GRM8: variants seen among roughly 807,000 people sequenced by gnomAD.
GRM8 encodes the protein metabotropic glutamate receptor 8.
A neutral mutation model predicts 87.2 loss-of-function variants in GRM8; 47 were observed. The ratio of observed to expected loss-of-function variants is 0.54; its 90% CI spans 0.43 to 0.69. The LOEUF is 0.69. GRM8 is among the 30% of genes least tolerant of loss of function. The pLI is 0.00. For missense variants in GRM8, 1,019 were observed against 1,139.2 expected (o/e 0.89, Z 1.52); for synonymous variants, 396 against 404.5 (o/e 0.98, Z 0.25).
chr7:126,501,205 A>C (rs1307034018), intron 9 of GRM8, among the ~76,000 whole-genome samples: 1 of 152,072 alleles, frequency 6.6e-6, no homozygotes, highest in African/African-American at 2.4e-5. Flanking sequence ...ATTTTTAAAA[A>C]TTAAGTACAG....
At chr7:126,921,418 A>G (rs554209511) in intron 3 of GRM8, among the ~76,000 whole-genome samples, 2 of 152,298 alleles carry the variant, frequency 1.3e-5, no homozygotes, top group South Asian at 2.1e-4. Flanking sequence ...AGAGGCCATT[A>G]CCAAAGAAAA....
intron 3 of GRM8, among the ~76,000 whole-genome samples, chr7:127,052,847 T>G (rs534068833): frequency 6.6e-6 from 1 of 152,184 alleles, no homozygotes; most frequent in Non-Finnish European, 1.5e-5. Flanking sequence ...CCTTTCCAAA[T>G]AGGCTAGTTT....
intron 6 of GRM8, among the ~76,000 whole-genome samples, chr7:126,901,118 C>G (rs1488149080): frequency 1.3e-5 from 2 of 152,186 alleles, no homozygotes; most frequent in Non-Finnish European, 2.9e-5. Context: ...GCGATATTCA[C>G]TCTTGCTCCA....
rs1818527515 is a variant in GRM8, at chr7:127,042,585, T to C, written c.727+63911A>G. 2.6e-5 allele frequency among the ~76,000 whole-genome samples: 4 copies of C among 152,368 alleles called. No homozygotes were observed. In the South Asian group the frequency reaches 8.3e-4, roughly 32 times the overall value. ...ATGTAGAAAGCTGAAACTGGATCCC[T>C]TCCTTACACCTTATACAAAAATTAA... On this transcript the variant is annotated intron_variant, in intron 3 of 10. Coordinates refer to ENST00000339582, the MANE Select transcript of GRM8 (RefSeq NM_000845.3).
rs1017014492 is a variant in GRM8 at position 126,502,246 on chromosome 7, T to A, written c.2430+30706A>T. Among the ~76,000 whole-genome samples the A allele has an allele frequency of 5.3e-5, 8 of 152,048 alleles. 1 individual carries two copies. The highest frequency in any genetic ancestry group is 1.9e-4 in the African/African-American group (8 of 41,430). ...ACAAACAGCTACCTGTCCTTTAATG[T>A]TACACCATCTCTACAGTGACAAGCT... On this transcript the variant is annotated intron_variant, in intron 9 of 10. Coordinates refer to ENST00000339582, the MANE Select transcript of GRM8 (RefSeq NM_000845.3).
intron 2 of GRM8, among the ~76,000 whole-genome samples, chr7:127,113,303 A>G (rs1433939087): frequency 1.3e-5 from 2 of 152,184 alleles, no homozygotes; most frequent in Non-Finnish European, 2.9e-5. Context: ...ACCCCTGACA[A>G]GGCTAGCAAA....
chr7:126,554,490 A>G (rs1334611441), intron 8 of GRM8, among the ~76,000 whole-genome samples: 1 of 151,978 alleles, frequency 6.6e-6, no homozygotes, highest in African/African-American at 2.4e-5. Context: ...CTACTCAGGA[A>G]GCTGAGGTGG....
At chr7:126,447,934 C>T (rs2150472229) in intron 9 of GRM8, among the ~76,000 whole-genome samples, 1 of 152,064 alleles carries the variant, frequency 6.6e-6, no homozygotes, top group Non-Finnish European at 1.5e-5. Flanking sequence ...AGATTTACTA[C>T]AATTAAGACC....
At chr7:127,184,005 T>C (rs1233890745) in intron 2 of GRM8, among the ~76,000 whole-genome samples, 1 of 151,890 alleles carries the variant, frequency 6.6e-6, no homozygotes, top group Non-Finnish European at 1.5e-5. Flanking sequence ...TATCTACCAA[T>C]GAAATTGAAT....
chr7:127,049,013 T>C (rs1312295780), intron 3 of GRM8, among the ~76,000 whole-genome samples: 2 of 152,312 alleles, frequency 1.3e-5, no homozygotes, highest in Admixed American at 6.5e-5. Flanking sequence ...CCCTAGGAAC[T>C]AGAGGCTCGC....
At chr7:126,966,472 A>G (rs1217702490) in intron 3 of GRM8, among the ~76,000 whole-genome samples, 5 of 152,134 alleles carry the variant, frequency 3.3e-5, no homozygotes, top group Non-Finnish European at 5.9e-5. Flanking sequence ...ATTTCACCTT[A>G]AAAGGAAAGG....
rs200316535 is a variant in GRM8, at chr7:126,760,615, A to T, written c.1357+9250T>A. On this transcript the variant is annotated intron_variant, in intron 7 of 10. Transcript: ENST00000339582. ...TATTCATTTCTAAAAATATTTATAA[A>T]TTTTTAAAAAGTGAATGTATATACA... Among the ~76,000 whole-genome samples, 11 of 152,270 alleles carry T rather than the reference A, an allele frequency of 7.2e-5. No homozygotes were observed. In the East Asian group the frequency reaches 1.9e-3, roughly 27 times the overall value.
chr7:126,476,900 T>C (rs1434758994), intron 9 of GRM8, among the ~76,000 whole-genome samples: 1 of 152,002 alleles, frequency 6.6e-6, no homozygotes, highest in Non-Finnish European at 1.5e-5. Context: ...ATATCTAAAA[T>C]GAATGAAATC....
At chr7:127,179,781 T>TA (rs1464820292) in intron 2 of GRM8, among the ~76,000 whole-genome samples, 3 of 151,988 alleles carry the variant, frequency 2.0e-5, no homozygotes, top group African/African-American at 7.2e-5. Context: ...AGATGGAAAT[T>TA]AAAAAATTAT....
chr7:127,245,833 T>C lies in GRM8; in HGVS notation c.-311-2318A>G, dbSNP rs185652129. On this transcript the variant is annotated intron_variant, in intron 1 of 10. Coordinates refer to ENST00000339582, the MANE Select transcript of GRM8 (RefSeq NM_000845.3). ...TCTCTGGAACACAGAATTAATTGCA[T>C]GTAACCTCTCTGAAGCTTGCTTTTC... Among the ~76,000 whole-genome samples, 829 of 152,238 alleles carry C rather than the reference T, an allele frequency of 5.4e-3. 4 individuals carry two copies. Among genetic ancestry groups the C allele is most frequent in the Non-Finnish European group, 9.1e-3 (620 of 68,030 alleles).
intron 9 of GRM8, among the ~76,000 whole-genome samples, chr7:126,450,349 A>G (rs1392823732): frequency 6.6e-6 from 1 of 151,858 alleles, no homozygotes; most frequent in African/African-American, 2.4e-5. Context: ...CCACGTGATA[A>G]GAAACAGACT....
At chr7:126,996,026 T>C (rs191453991) in intron 3 of GRM8, among the ~76,000 whole-genome samples, 2 of 152,214 alleles carry the variant, frequency 1.3e-5, no homozygotes, top group East Asian at 1.9e-4. Flanking sequence ...GAAACCTTAC[T>C]GGCCAGAAGA....
chr7:126,552,810 A>C (rs1292530352), intron 8 of GRM8, among the ~76,000 whole-genome samples: 1 of 152,146 alleles, frequency 6.6e-6, no homozygotes, highest in African/African-American at 2.4e-5. Context: ...ACATAACTTG[A>C]AAGCCATATT....
chr7:126,772,475 A>T (rs1649633225), intron 6 of GRM8, among the ~76,000 whole-genome samples: 1 of 152,116 alleles, frequency 6.6e-6, no homozygotes, highest in Admixed American at 6.6e-5. Context: ...TTGCTGGGTC[A>T]GAATCTCCCT....
Sources: gnomAD v4.1 joint callset for allele counts (sites outside exome capture counted in the v4.1 genomes callset) on GRCh38, gnomAD v4.1.1 for gene constraint, MANE v1.5 for transcripts, NCBI Gene and HGNC (gene_info 2026-07-23, HGNC 2026-07-21) for gene names.